Variants in DTNA observed in about 807,000 individuals in gnomAD.
The protein encoded by DTNA is dystrobrevin alpha.
In DTNA, 43 loss-of-function variants were observed where a neutral mutation model predicts 100.7. That is an observed-to-expected ratio of 0.43 (90% CI 0.33 to 0.55). DTNA has a LOEUF of 0.55. Ranked by LOEUF, DTNA falls within the 20% of genes least tolerant of loss-of-function variation. The pLI is 0.04. For synonymous variants in DTNA, 349 were observed against 347.9 expected, an observed-to-expected ratio of 1.00 and a Z score of -0.04; for missense variants, 798 against 953.9, an observed-to-expected ratio of 0.84 and a Z score of 2.15.
chr18:34,651,692 G>A (rs1330545052), intron 1 of DTNA, among the ~76,000 whole-genome samples: 1 of 152,184 alleles, frequency 6.6e-6, no homozygotes, highest in Admixed American at 6.5e-5. Context: ...GAGAAGTGCA[G>A]AATCAATGGG....
chr18:34,543,111 T>C (rs2044411962), intron 1 of DTNA, among the ~76,000 whole-genome samples: 1 of 152,096 alleles, frequency 6.6e-6, no homozygotes, highest in African/African-American at 2.4e-5. Flanking sequence ...TTAATCTCAC[T>C]TGTAGCTTTA....
intron 1 of DTNA, among the ~76,000 whole-genome samples, chr18:34,725,370 A>G (rs1334382987): frequency 2.0e-5 from 3 of 151,848 alleles, no homozygotes; most frequent in Non-Finnish European, 4.4e-5. Context: ...TAATATCTAG[A>G]ATCTACAAAG....
chr18:34,818,482 T>C, intron 8 of DTNA, 152 bp downstream of exon 8: 1 of 1,525,016 alleles, frequency 6.6e-7, no homozygotes. Flanking sequence ...CTCTCCACCC[T>C]ACTGCGTGCT....
In DTNA at chr18:34,499,530, T is replaced by G. The variant is rs76672488; in HGVS notation, c.-2+6016T>G. ...AATTCCCAGAAGTTACACGTTTACT[T>G]TTATAAGAAATTACCAAACTTTTCC... On this transcript the variant is annotated intron_variant, in intron 1 of 19. Transcript: ENST00000283365. Among the ~76,000 whole-genome samples the G allele has an allele frequency of 3.3e-3, 504 of 152,366 alleles. 3 individuals are homozygous for G. Among genetic ancestry groups the G allele is most frequent in the African/African-American group, 0.012 (480 of 41,580 alleles).
At chr18:34,614,374 C>G (rs1422738295) in intron 1 of DTNA, among the ~76,000 whole-genome samples, 1 of 152,170 alleles carries the variant, frequency 6.6e-6, no homozygotes, top group Non-Finnish European at 1.5e-5. Flanking sequence ...AGAGTAATTT[C>G]AACTTCCAAG....
intron 1 of DTNA, among the ~76,000 whole-genome samples, chr18:34,592,041 T>G (rs562920872): frequency 3.5e-4 from 54 of 152,306 alleles, no homozygotes; most frequent in African/African-American, 1.3e-3. Flanking sequence ...TGCCGTTGAA[T>G]ATTTTTGAGA....
At position 34,769,725 on chromosome 18, in the gene DTNA, C is replaced by CTTTTTTTTTTTTTTTTTTTTTTT. The variant is rs61242937; in HGVS notation, c.148+3699_148+3700insTTTTTTTTTTTTTTTTTTTTTTT. ...GAAGAAGCAAGGCAGCCCTCTGGGG[C>CTTTTTTTTTTTTTTTTTTTTTTT]TTTTTTTTTTTTTTTGACAGAGTTT... On this transcript the variant is annotated intron_variant, in intron 3 of 22. Coordinates refer to ENST00000444659, the MANE Select transcript of DTNA (RefSeq NM_001386795.1). Among the ~76,000 whole-genome samples, 26 of 53,854 alleles carry CTTTTTTTTTTTTTTTTTTTTTTT rather than the reference C, an allele frequency of 4.8e-4. 5 individuals carry two copies. The highest frequency in any genetic ancestry group is 2.0e-3 in the East Asian group (2 of 1,016). The allele number at this position is 53,854 out of a possible 152,430, so 35.3% of individuals were successfully genotyped here.
chr18:34,528,309 C>T (rs917193622), intron 1 of DTNA, among the ~76,000 whole-genome samples: 1 of 152,016 alleles, frequency 6.6e-6, no homozygotes, highest in Non-Finnish European at 1.5e-5. Flanking sequence ...GAGCTTGTTC[C>T]ATTAAAAATT....
chr18:34,516,954 G>A (rs1340365952), intron 1 of DTNA, among the ~76,000 whole-genome samples: 4 of 152,010 alleles, frequency 2.6e-5, no homozygotes, highest in Non-Finnish European at 5.9e-5. Context: ...AGTATTGATT[G>A]GGGAAGTGAT....
intron 7 of DTNA, among the ~76,000 whole-genome samples, chr18:34,816,751 A>G (rs1385056392): frequency 6.6e-6 from 1 of 151,960 alleles, no homozygotes; most frequent in Non-Finnish European, 1.5e-5. Flanking sequence ...GATTTAACTT[A>G]AGTCTCTATA....
chr18:34,838,092 A>C lies in DTNA; in HGVS notation c.1176-2A>C. On this transcript the variant is annotated splice_acceptor_variant, in intron 11 of 22. Coordinates refer to ENST00000444659, the MANE Select transcript of DTNA (RefSeq NM_001386795.1). LOFTEE classifies it high-confidence loss of function. ...TCTTGGCTTTCCCATCTTATTAACT[A>C]GCTCTCCTCCCAAGGACAGTGAAGT... The C allele has an allele frequency of 1.9e-6, 3 of 1,613,724 alleles. No individual in the cohort carries two copies. The highest frequency in any genetic ancestry group is 2.5e-6 in the Non-Finnish European group (3 of 1,179,770).
intron 1 of DTNA, among the ~76,000 whole-genome samples, chr18:34,646,128 A>G (rs530950729): frequency 3.9e-5 from 6 of 152,296 alleles, no homozygotes; most frequent in South Asian, 4.1e-4. Context: ...CCTTTAAATC[A>G]ATATTTTAAA....
chr18:34,781,211 G>A (rs1410741720), intron 3 of DTNA, among the ~76,000 whole-genome samples: 1 of 152,002 alleles, frequency 6.6e-6, no homozygotes, highest in African/African-American at 2.4e-5. Context: ...CATTATTCAG[G>A]GTTCTTCATC....
intron 1 of DTNA, among the ~76,000 whole-genome samples, chr18:34,737,309 G>A (rs1464486240): frequency 6.6e-6 from 1 of 152,178 alleles, no homozygotes; most frequent in Non-Finnish European, 1.5e-5. Context: ...AATGATATAT[G>A]TGTACAAAAT....
At chr18:34,742,362 G>A (rs1240809317) in intron 1 of DTNA, among the ~76,000 whole-genome samples, 1 of 152,012 alleles carries the variant, frequency 6.6e-6, no homozygotes, top group Non-Finnish European at 1.5e-5. Context: ...GTTCCTTCTG[G>A]AAGCTCTAGA....
At chr18:34,793,912 T>C (rs1398104897) in intron 3 of DTNA, 125 bp from the exon 4 acceptor site, 1 of 940,360 alleles carries the variant, frequency 1.1e-6, no homozygotes, top group East Asian at 2.6e-5. Context: ...TTACTTATGT[T>C]GACCCCCTGC....
chr18:34,689,867 C>T (rs2079488919), intron 1 of DTNA, among the ~76,000 whole-genome samples: 1 of 152,192 alleles, frequency 6.6e-6, no homozygotes, highest in Non-Finnish European at 1.5e-5. Flanking sequence ...TCTAGAGAGG[C>T]AGTCTGGCTA....
At chr18:34,868,154 C>CAA (rs34776092) in intron 17 of DTNA, 160 of 178,800 alleles carry the variant, frequency 8.9e-4, no homozygotes, top group Non-Finnish European at 1.0e-3. Context: ...GGCAATGAAG[C>CAA]AAAAAAAAAA....
intron 1 of DTNA, among the ~76,000 whole-genome samples, chr18:34,629,963 C>T (rs2057858928): frequency 6.6e-6 from 1 of 152,168 alleles, no homozygotes; most frequent in African/African-American, 2.4e-5. Flanking sequence ...CTATCTCATG[C>T]TCTGTGTCGT....
Sources: allele counts gnomAD v4.1 joint callset (sites outside exome capture counted in the v4.1 genomes callset), GRCh38; gene constraint gnomAD v4.1.1; transcripts MANE v1.5; gene names NCBI Gene and HGNC (gene_info 2026-07-23, HGNC 2026-07-21).